Variants in ADAMTS7 observed in about 807,000 individuals in gnomAD.
The protein encoded by ADAMTS7 is ADAM metallopeptidase with thrombospondin type 1 motif 7, also known as A disintegrin and metalloproteinase with thrombospondin motifs 7.
ADAMTS7 carries 89 observed loss-of-function variants against 172.6 expected under a neutral mutation model. That is an observed-to-expected ratio of 0.52 (90% CI 0.43 to 0.61). ADAMTS7 has a LOEUF of 0.61. Among genes scored for constraint, ADAMTS7 ranks in the 20% least tolerant of loss-of-function variants. The probability of loss-of-function intolerance (pLI) is 0.00; values close to 1 mark genes in which losing one functional copy is unlikely to be tolerated. For synonymous variants in ADAMTS7, 885 were observed against 978.4 expected (o/e 0.90, Z 1.78); for missense variants, 1,973 against 2,355.6 (o/e 0.84, Z 3.36).
At chr15:78,789,181 G>T (rs1218948514) in intron 7 of ADAMTS7, among the ~76,000 whole-genome samples, 2 of 152,220 alleles carry the variant, frequency 1.3e-5, no homozygotes, top group Admixed American at 1.3e-4. Context: ...CAGCTCAACA[G>T]CCAGGGCACA....
In ADAMTS7 at chr15:78,811,359, C is replaced by A. The variant is rs189835789; in HGVS notation, c.-139G>T. The A allele has an allele frequency of 1.4e-3, 1,418 of 1,048,378 alleles. 16 individuals are homozygous for A. The African/African-American group carries it at 0.021, about 16-fold the overall frequency. 64.9% of individuals were successfully genotyped at this position (1,048,378 alleles called of 1,614,324 possible). On this transcript the variant is annotated 5_prime_UTR_variant, in exon 1 of 24. Coordinates refer to ENST00000388820, the MANE Select transcript of ADAMTS7 (RefSeq NM_014272.5). ...CCGGCGACCCGGCCCCGACTCCGTTCGGCTGCGCTCGGTCCGCGGGCAACA... is the reference window on the plus strand; with the variant it reads ...CCGGCGACCCGGCCCCGACTCCGTTAGGCTGCGCTCGGTCCGCGGGCAACA...
At chr15:78,803,612 C>T (rs562943875) in intron 1 of ADAMTS7, among the ~76,000 whole-genome samples, 1 of 152,274 alleles carries the variant, frequency 6.6e-6, no homozygotes, top group East Asian at 1.9e-4. Context: ...GCCACCACTC[C>T]CAGCGAGTTC....
intron 4 of ADAMTS7, 47 bp from the exon 5 acceptor site, chr15:78,791,270 C>T (rs1307606200): frequency 8.3e-6 from 13 of 1,564,906 alleles, no homozygotes; most frequent in Non-Finnish European, 1.1e-5. Context: ...ATGAAGGATA[C>T]AAGCAGCCAA....
chr15:78,810,962 G>C, intron 1 of ADAMTS7, 159 bp downstream of exon 1: 1 of 809,266 alleles, frequency 1.2e-6, no homozygotes, highest in Non-Finnish European at 1.6e-6. Context: ...GCCCGACCCC[G>C]ACTACTGTCC....
chr15:78,790,714 C>G lies in ADAMTS7; in HGVS notation c.984G>C (p.Gly328=), dbSNP rs1169112615. The change falls in exon 6 of 24, where the codon GGG becomes GGC. Residue 328 remains glycine, a synonymous_variant. Coordinates refer to ENST00000388820, the MANE Select transcript of ADAMTS7 (RefSeq NM_014272.5). ...CKWQKSINMK[G]DAHPLHHDTA... is the part of the protein sequence containing the mutation. ...TGTCATGGTGCAGGGGATGGGCATC[C>G]CCCTTCATGTTGATGCTTTTCTGCC... The G allele has an allele frequency of 6.2e-7, 1 of 1,613,898 alleles. No homozygotes were observed. The highest frequency in any genetic ancestry group is 1.3e-5 in the African/African-American group (1 of 74,896).
chr15:78,760,015 C>T (rs1255784052), intron 23 of ADAMTS7, among the ~76,000 whole-genome samples: 2 of 152,072 alleles, frequency 1.3e-5, no homozygotes, highest in African/African-American at 4.8e-5. Flanking sequence ...GCCCCCTGCC[C>T]CAGTGCATCT....
intron 22 of ADAMTS7, 142 bp downstream of exon 22, chr15:78,763,557 C>A: frequency 8.5e-7 from 1 of 1,179,554 alleles, no homozygotes; most frequent in Admixed American, 3.5e-5. Flanking sequence ...GTGTGAGCAC[C>A]AGCCGGGCGG....
At chr15:78,764,516 T>G in intron 20 of ADAMTS7, 39 bp downstream of exon 20, 1 of 1,523,348 alleles carries the variant, frequency 6.6e-7, no homozygotes, top group Non-Finnish European at 8.8e-7. Context: ...CTCCACCCCA[T>G]GCCCTGGGAA....
rs2055006904 is a variant in ADAMTS7, at chr15:78,759,509, G to A, written c.4973C>T (p.Pro1658Leu). ...TLRLLGRCQL[P>L]TIRTQCCRSC... Reference sequence around the variant, plus strand: ...GCGGCAGCACTGGGTGCGGATGGTGGGCAGCTGGCAGCGGCCCAGTAGGCG... The same window carrying A: ...GCGGCAGCACTGGGTGCGGATGGTGAGCAGCTGGCAGCGGCCCAGTAGGCG... The change falls in exon 24 of 24, where the codon CCC becomes CTC. Residue 1658 changes from proline to leucine, a missense_variant. Coordinates refer to ENST00000388820, the MANE Select transcript of ADAMTS7 (RefSeq NM_014272.5). The A allele has an allele frequency of 6.9e-6, 11 of 1,596,994 alleles. No homozygotes were observed. Among genetic ancestry groups the A allele is most frequent in the African/African-American group, 2.7e-5 (2 of 74,810 alleles).
chr15:78,800,614 C>A, intron 1 of ADAMTS7, 67 bp from the exon 2 acceptor site: 1 of 1,488,074 alleles, frequency 6.7e-7, no homozygotes, highest in African/African-American at 1.4e-5. Flanking sequence ...TGGCCGGGGA[C>A]CAGAAGGGAG....
intron 8 of ADAMTS7, among the ~76,000 whole-genome samples, chr15:78,784,358 CAAAG>C (rs1401743679): frequency 9.3e-6 from 1 of 107,324 alleles, no homozygotes; most frequent in African/African-American, 3.7e-5. Context: ...AAGCGAGACT[CAAAG>C]AAAGAAAGAA....
In ADAMTS7 at chr15:78,767,507, C is replaced by A. The variant is rs565586720; in HGVS notation, c.2731G>T (p.Val911Leu). The change falls in exon 18 of 24, where the codon GTG (valine) becomes TTG (leucine). Residue 911 changes from valine (V) to leucine (L), a missense_variant. Physicochemically the swap from Val to Leu is conservative, Grantham distance 32 (BLOSUM62 1). Coordinates refer to ENST00000388820, the MANE Select transcript of ADAMTS7 (RefSeq NM_014272.5). Reference sequence around the variant, plus strand: ...AGGGCGCTCTGCTCATCCAGCCCCACGCTGCGGATGCAGAGCACGGCCCGG... The same window carrying A: ...AGGGCGCTCTGCTCATCCAGCCCCAAGCTGCGGATGCAGAGCACGGCCCGG... ...SRRAVLCIRS[V>L]GLDEQSALEP... 2 of 1,608,784 alleles carry A rather than the reference C, an allele frequency of 1.2e-6. No individual in the cohort carries two copies. Among genetic ancestry groups the A allele is most frequent in the Non-Finnish European group, 1.7e-6 (2 of 1,178,734 alleles).
rs145552175 is a variant in ADAMTS7, at chr15:78,766,645, G to A, written c.3266C>T (p.Ala1089Val). 3,136 of 1,609,700 alleles carry A rather than the reference G, an allele frequency of 1.9e-3. 11 individuals carry two copies. Among genetic ancestry groups the A allele is most frequent in the African/African-American group, 6.8e-3 (511 of 74,962 alleles). The stretch of plus-strand genomic sequence containing the variant: ...TGGGGGTGTCCGGTCCCCTGTCCCC[G>A]CCAGGTCTAGATCGGGCTCCTCAGA... ...GPSEEPDLDL[A>V]GTGDRTPPPH... The change falls in exon 19 of 24, where the codon GCG becomes GTG. Residue 1089 changes from alanine to valine, a missense_variant. Physicochemically the swap from Ala to Val is moderately conservative, Grantham distance 64. Transcript: ENST00000388820.
At position 78,764,415 on chromosome 15, in the gene ADAMTS7, C is replaced by G. The variant is rs367754722; in HGVS notation, c.4419+140G>C. ...AAGATGAGAAGACTCCCAAGAGATT[C>G]AGAATCCGGTGTGATCGGGCACACA... On this transcript the variant is annotated intron_variant, in intron 20 of 23. Transcript: ENST00000388820. The G allele has an allele frequency of 5.1e-5, 61 of 1,199,618 alleles. 1 individual carries two copies. The South Asian group carries it at 6.3e-4, about 12-fold the overall frequency. 74.3% of individuals were successfully genotyped at this position (1,199,618 alleles called of 1,614,324 possible).
chr15:78,774,574 A>G, intron 12 of ADAMTS7, 50 bp downstream of exon 12: 1 of 1,610,468 alleles, frequency 6.2e-7, no homozygotes, highest in South Asian at 1.1e-5. Context: ...TTGGACCCAC[A>G]CACCCCCAGC....
In ADAMTS7 at chr15:78,797,936, A is replaced by G; in HGVS notation, c.622+12T>C. On this transcript the variant is annotated intron_variant, in intron 3 of 23. Coordinates refer to ENST00000388820, the MANE Select transcript of ADAMTS7 (RefSeq NM_014272.5). ...CAGCACCCACCCGAGAACTGGGAGC[A>G]GAAGAGCATACCTTGCACTCCACAG... 6.3e-7 allele frequency: 1 copy of G among 1,593,842 alleles called. No homozygotes were observed.
intron 8 of ADAMTS7, among the ~76,000 whole-genome samples, chr15:78,781,143 G>A (rs2055422360): frequency 6.6e-6 from 1 of 152,226 alleles, no homozygotes; most frequent in Non-Finnish European, 1.5e-5. Flanking sequence ...TGGTCTGTGA[G>A]TGCCTCTGCG....
chr15:78,788,202 G>T, intron 8 of ADAMTS7, 29 bp downstream of exon 8: 1 of 1,612,368 alleles, frequency 6.2e-7, no homozygotes, highest in Non-Finnish European at 8.5e-7. Context: ...ATGGATCAAG[G>T]TATAGGGGCC....
At chr15:78,799,345 G>A (rs919443191) in intron 2 of ADAMTS7, among the ~76,000 whole-genome samples, 54 of 133,312 alleles carry the variant, frequency 4.1e-4, no homozygotes, top group African/African-American at 1.4e-3. Context: ...ACCTGAACAC[G>A]AACAGAAAGG....
Sources: allele counts gnomAD v4.1 joint callset (sites outside exome capture counted in the v4.1 genomes callset), GRCh38; gene constraint gnomAD v4.1.1; transcripts MANE v1.5; gene names NCBI Gene and HGNC (gene_info 2026-07-23, HGNC 2026-07-21).